C18orf63: variants seen among roughly 807,000 people sequenced by gnomAD.
The protein encoded by C18orf63 is uncharacterized protein C18orf63.
A neutral mutation model predicts 75.3 loss-of-function variants in C18orf63; 50 were observed. The ratio of observed to expected loss-of-function variants is 0.66; its 90% CI spans 0.53 to 0.84. The LOEUF is 0.84. Ranked by LOEUF, C18orf63 falls within the 40% of genes least tolerant of loss-of-function variation. The pLI, the probability that C18orf63 is intolerant of heterozygous loss-of-function variation, is 0.00. For missense variants in C18orf63, 732 were observed against 800.2 expected (o/e 0.91, Z 1.03); for synonymous variants, 232 against 267.6 (o/e 0.87, Z 1.30).
intron 7 of C18orf63, among the ~76,000 whole-genome samples, chr18:74,331,602 A>G (rs1170085523): frequency 6.6e-6 from 1 of 152,158 alleles, no homozygotes; most frequent in African/African-American, 2.4e-5. Context: ...TGCTACTGAC[A>G]TCTAGTGGGT....
chr18:74,335,417 T>A (rs1401388952), intron 7 of C18orf63, among the ~76,000 whole-genome samples: 2 of 152,040 alleles, frequency 1.3e-5, no homozygotes, highest in African/African-American at 2.4e-5. Context: ...GATAAAAAAA[T>A]TTAAGAGGTA....
chr18:74,340,495 C>G (rs1410958844), intron 8 of C18orf63, among the ~76,000 whole-genome samples: 2 of 152,136 alleles, frequency 1.3e-5, no homozygotes, highest in Admixed American at 1.3e-4. Flanking sequence ...CTAGCAATCC[C>G]ACTGCTGGTG....
rs5826317 is a variant in C18orf63, at chr18:74,358,284, T to TTATTA, written c.*1838_*1839insATTAT. On this transcript the variant is annotated 3_prime_UTR_variant, in exon 14 of 14. Coordinates refer to ENST00000579455, the MANE Select transcript of C18orf63 (RefSeq NM_001174123.2). ...AACCTACATGGCAAAACCTGCCATG[T>TTATTA]TTAGTGTATTTTTTTGTATAAAGTA... The TTATTA allele has an allele frequency of 6.6e-6, 1 of 151,734 alleles. No homozygotes were observed. Among genetic ancestry groups the TTATTA allele is most frequent in the Non-Finnish European group, 1.5e-5 (1 of 67,888 alleles). The allele number at this position is 151,734 out of a possible 1,614,324, so 9.4% of individuals were successfully genotyped here.
chr18:74,345,358 T>C (rs1307074053), intron 11 of C18orf63, among the ~76,000 whole-genome samples: 3 of 152,070 alleles, frequency 2.0e-5, no homozygotes, highest in Non-Finnish European at 4.4e-5. Context: ...GGTGTCTTAA[T>C]AGTATCTTTT....
rs573355360 is a variant in C18orf63, at chr18:74,341,505, C to A, written c.612-527C>A. On this transcript the variant is annotated intron_variant, in intron 8 of 13. Transcript: ENST00000579455. ...GACCAGCCTGGCCAACATGGCAAAA[C>A]CCTGTCTCTACTAAAAATACAAAAA... Among the ~76,000 whole-genome samples the A allele has an allele frequency of 7.2e-5, 11 of 152,132 alleles. No homozygotes were observed. In the South Asian group the frequency reaches 2.1e-3, roughly 29 times the overall value.
chr18:74,341,303 A>AAG (rs1984481421), intron 8 of C18orf63, among the ~76,000 whole-genome samples: 2 of 129,392 alleles, frequency 1.5e-5, no homozygotes, highest in South Asian at 2.6e-4. Context: ...AAAAAAAAAA[A>AAG]GTATTAGGTT....
intron 7 of C18orf63, among the ~76,000 whole-genome samples, chr18:74,337,304 G>C (rs989375751): frequency 6.6e-5 from 10 of 152,068 alleles, no homozygotes; most frequent in African/African-American, 2.4e-4. Flanking sequence ...GAACAGCTGG[G>C]TGGTTTGCCA....
chr18:74,322,712 A>T lies in C18orf63; in HGVS notation c.228A>T (p.Lys76Asn). ...IWVVMAIPFY[K>N]ARKLNAYVEK... is the part of the protein sequence containing the mutation. ...TTTTGTTACAGATACCATTTTATAA[A>T]GCAAGAAAACTTAATGCCTATGTTG... Residue 76 changes from lysine to asparagine, a missense_variant, in exon 4 of 14, where the codon AAA (lysine) becomes AAT (asparagine). Transcript: ENST00000579455. 2 of 1,339,926 alleles carry T rather than the reference A, an allele frequency of 1.5e-6. No individual in the cohort carries two copies. Among genetic ancestry groups the T allele is most frequent in the Non-Finnish European group, 2.0e-6 (2 of 986,990 alleles). 83.0% of individuals were successfully genotyped at this position (1,339,926 alleles called of 1,614,324 possible).
rs1222037885 is a variant in C18orf63, at chr18:74,330,880, G to A, written c.439G>A (p.Val147Ile). 7.1e-7 allele frequency: 1 copy of A among 1,416,818 alleles called. No homozygotes were observed. 87.8% of individuals were successfully genotyped at this position (1,416,818 alleles called of 1,614,324 possible). Residue 147 changes from valine (V) to isoleucine (I), a missense_variant, in exon 7 of 14, where the codon GTA becomes ATA. Around this residue, in one of 3 missense-constraint regions of C18orf63, gnomAD observed 233 missense variants for 272.7 expected, o/e 0.85. Transcript: ENST00000579455. Reference sequence around the variant, plus strand: ...TTTATTTTCAGTATTAAACATCAATGTAACAGAAACTCAAGTTTGTCTAAG... The same window carrying A: ...TTTATTTTCAGTATTAAACATCAATATAACAGAAACTCAAGTTTGTCTAAG... ...KQSAVVLNIN[V>I]TETQVCLSIE... is the part of the protein sequence containing the mutation.
chr18:74,345,635 C>A (rs1217381794), intron 11 of C18orf63, among the ~76,000 whole-genome samples: 1 of 152,018 alleles, frequency 6.6e-6, no homozygotes, highest in Non-Finnish European at 1.5e-5. Flanking sequence ...ATTCTTACCC[C>A]AGTACTTTTT....
chr18:74,336,509 C>T (rs116186035), intron 7 of C18orf63, among the ~76,000 whole-genome samples: 1,852 of 152,084 alleles, frequency 0.012, 18 homozygotes, highest in South Asian at 0.047. Flanking sequence ...TCTAGAATCT[C>T]CTGGAATTCA....
chr18:74,323,711 T>A (rs1320939609), intron 4 of C18orf63, among the ~76,000 whole-genome samples: 1 of 152,216 alleles, frequency 6.6e-6, no homozygotes, highest in Non-Finnish European at 1.5e-5. Context: ...GTATAGCAGA[T>A]CCTTGAGTAA....
chr18:74,321,347 C>T (rs1245140897), intron 3 of C18orf63, among the ~76,000 whole-genome samples: 2 of 151,432 alleles, frequency 1.3e-5, no homozygotes, highest in Non-Finnish European at 2.9e-5. Context: ...CTCTCTTGAC[C>T]AGGCTGGAGT....
At chr18:74,338,858 T>C in intron 8 of C18orf63, 34 bp downstream of exon 8, 1 of 899,798 alleles carries the variant, frequency 1.1e-6, no homozygotes, top group Non-Finnish European at 1.6e-6. Context: ...TAGGGTGGGT[T>C]CAAAATATGG....
Position 74,342,325 on chromosome 18 carries a change from A to G in C18orf63, c.793A>G (p.Thr265Ala), listed in dbSNP as rs1267478124. 2 of 1,513,884 alleles carry G rather than the reference A, an allele frequency of 1.3e-6. No individual in the cohort carries two copies. The highest frequency in any genetic ancestry group is 1.2e-5 in the South Asian group (1 of 83,544). 93.8% of individuals were successfully genotyped at this position (1,513,884 alleles called of 1,614,324 possible). The change falls in exon 10 of 14, where the codon ACA becomes GCA. Residue 265 changes from threonine (T) to alanine (A), a missense_variant and splice_region_variant. Thr to Ala is a moderately conservative substitution (Grantham distance 58). Transcript: ENST00000579455. ...CAAAATGCTCGGAGAAAGGACCTTC[A>G]CATATCCTTTACACACCAACTGAAG... Reference protein sequence around the residue: ...YFKMLGERTFTYPLSCIRSQP... With the variant: ...YFKMLGERTFAYPLSCIRSQP...
Position 74,358,680 on chromosome 18 carries a change from T to C in C18orf63, c.*2233T>C, listed in dbSNP as rs551843106. ...TAGAACCATTTTAATTTTAAAACCA[T>C]AAGAAAATAATTTTATGTTTGCCTA... On this transcript the variant is annotated 3_prime_UTR_variant, in exon 14 of 14. Coordinates refer to ENST00000579455, the MANE Select transcript of C18orf63 (RefSeq NM_001174123.2). 1 of 152,210 alleles carries C rather than the reference T, an allele frequency of 6.6e-6. No homozygotes were observed. Among genetic ancestry groups the C allele is most frequent in the African/African-American group, 2.4e-5 (1 of 41,558 alleles). The allele number at this position is 152,210 out of a possible 1,614,324, so 9.4% of individuals were successfully genotyped here. A position where few individuals can be genotyped will look rare whatever the true frequency, so the allele number is the denominator to read the frequency against.
At chr18:74,341,273 A>G (rs1269315414) in intron 8 of C18orf63, among the ~76,000 whole-genome samples, 1 of 23,210 alleles carries the variant, frequency 4.3e-5, no homozygotes, top group Non-Finnish European at 1.0e-4. Context: ...TCCGTCTCAA[A>G]AAAAAAAAAA....
At chr18:74,326,214 A>G (rs1009415396) in intron 4 of C18orf63, among the ~76,000 whole-genome samples, 1 of 152,162 alleles carries the variant, frequency 6.6e-6, no homozygotes, top group Non-Finnish European at 1.5e-5. Flanking sequence ...CTGCCAATAG[A>G]TTATTCAGTT....
chr18:74,355,254 A>G (rs767488358), intron 13 of C18orf63, among the ~76,000 whole-genome samples: 6 of 152,206 alleles, frequency 3.9e-5, no homozygotes, highest in Admixed American at 6.5e-5. Flanking sequence ...ATTTTAATTA[A>G]CCAGAAAGTA....
Sources: allele counts gnomAD v4.1 joint callset (sites outside exome capture counted in the v4.1 genomes callset), GRCh38; gene constraint gnomAD v4.1.1; regional missense constraint gnomAD v4.1.1; transcripts MANE v1.5; gene names NCBI Gene and HGNC (gene_info 2026-07-23, HGNC 2026-07-21).